The following TANC1 variants were observed in gnomAD, a reference collection of about 807,000 sequenced individuals.
The protein encoded by TANC1 is protein TANC1.
TANC1 carries 77 observed loss-of-function variants against 149.7 expected under a neutral mutation model. That is an observed-to-expected ratio of 0.51 (90% CI 0.43 to 0.62). TANC1 has a LOEUF of 0.62. Ranked by LOEUF, TANC1 falls within the 20% of genes least tolerant of loss-of-function variation. The probability of loss-of-function intolerance (pLI) is 0.00; values close to 1 mark genes in which losing one functional copy is unlikely to be tolerated. For missense variants in TANC1, 1,985 were observed against 2,321.8 expected, an observed-to-expected ratio of 0.85 and a Z score of 2.98; for synonymous variants, 854 against 925.0, an observed-to-expected ratio of 0.92 and a Z score of 1.39.
chr2:158,997,603 C>A (rs1369931448), intron 1 of TANC1, among the ~76,000 whole-genome samples: 1 of 152,114 alleles, frequency 6.6e-6, no homozygotes, highest in African/African-American at 2.4e-5. Flanking sequence ...TAAGGAAGTG[C>A]TCACGAAACA....
At chr2:159,075,536 A>G (rs1458677666) in intron 3 of TANC1, among the ~76,000 whole-genome samples, 1 of 152,156 alleles carries the variant, frequency 6.6e-6, no homozygotes, top group Non-Finnish European at 1.5e-5. Flanking sequence ...TGATCACACC[A>G]TCACACTCCA....
At chr2:159,062,973 C>CCAAAAAAAAAAAA (rs770866772) in intron 2 of TANC1, among the ~76,000 whole-genome samples, 41 of 41,206 alleles carry the variant, frequency 1.0e-3, no homozygotes, top group Non-Finnish European at 1.6e-3. Flanking sequence ...GACTCCGTCT[C>CCAAAAAAAAAAAA]AAAAAAAAAA....
intron 2 of TANC1, among the ~76,000 whole-genome samples, chr2:159,048,334 T>C (rs2041225618): frequency 1.3e-5 from 2 of 152,228 alleles, no homozygotes; most frequent in South Asian, 4.1e-4. Flanking sequence ...GACATGACTC[T>C]TGATGGTCCA....
intron 2 of TANC1, among the ~76,000 whole-genome samples, chr2:159,039,612 G>A (rs1009069620): frequency 2.1e-4 from 32 of 151,998 alleles, no homozygotes; most frequent in Non-Finnish European, 1.0e-4. Flanking sequence ...TTATTTACCC[G>A]GTACTCATTC....
chr2:159,135,538 C>A (rs907186605), intron 4 of TANC1, among the ~76,000 whole-genome samples: 1 of 152,342 alleles, frequency 6.6e-6, no homozygotes, highest in African/African-American at 2.4e-5. Flanking sequence ...ACGAAGAATT[C>A]CGGATTTTCT....
Position 159,228,853 on chromosome 2 carries a change from T to C in TANC1, c.4108T>C (p.Tyr1370His), listed in dbSNP as rs775511627. 1 of 1,614,162 alleles carries C rather than the reference T, an allele frequency of 6.2e-7. No individual in the cohort carries two copies. Among genetic ancestry groups the C allele is most frequent in the South Asian group, 1.1e-5 (1 of 91,088 alleles). ...SKALELKPKS[Y>H]EAFYARARAK... The stretch of plus-strand genomic sequence containing the variant: ...GGCTCTCGAATTGAAGCCCAAGTCC[T>C]ATGAAGCCTTTTATGCCAGAGCAAG... Residue 1370 changes from tyrosine (Y) to histidine (H), a missense_variant, in exon 26 of 27, where the codon TAT becomes CAT. By Grantham distance (83) the Tyr-to-His change is moderately conservative. Transcript: ENST00000263635.
chr2:159,163,764 C>T (rs755200345), intron 8 of TANC1, among the ~76,000 whole-genome samples: 5 of 152,000 alleles, frequency 3.3e-5, no homozygotes, highest in African/African-American at 9.7e-5. Flanking sequence ...TTCTTTAAAT[C>T]GATTATTTGG....
At chr2:158,984,814 G>C (rs1468124947) in intron 1 of TANC1, among the ~76,000 whole-genome samples, 1 of 152,110 alleles carries the variant, frequency 6.6e-6, no homozygotes, top group Non-Finnish European at 1.5e-5. Context: ...GCAGAGGCTG[G>C]GAGGCATGAA....
chr2:159,208,683 T>C (rs1048073188), intron 19 of TANC1, among the ~76,000 whole-genome samples: 6 of 152,260 alleles, frequency 3.9e-5, no homozygotes, highest in African/African-American at 1.4e-4. Context: ...AGGCTGCTTC[T>C]GCAGGCCCCA....
At chr2:159,223,634 CTT>C (rs1304115615) in intron 22 of TANC1, among the ~76,000 whole-genome samples, 2 of 152,222 alleles carry the variant, frequency 1.3e-5, no homozygotes, top group Non-Finnish European at 2.9e-5. Flanking sequence ...ATTTCTTCCT[CTT>C]GTTTCCAGTT....
intron 4 of TANC1, among the ~76,000 whole-genome samples, chr2:159,100,076 G>T (rs185091297): frequency 4.7e-4 from 72 of 152,272 alleles, no homozygotes; most frequent in Non-Finnish European, 5.9e-5. Context: ...AGATAATTCA[G>T]AAACTATCGA....
rs2060344487 is a variant in TANC1, at chr2:159,231,841, G to A, written c.*829G>A. On this transcript the variant is annotated 3_prime_UTR_variant, in exon 27 of 27. Transcript: ENST00000263635. ...GCTTTTAACAATGGTAGTGCTCCTGGAACAATCCTTCCAAGCTCCTCTAAG... is the reference window on the plus strand; with the variant it reads ...GCTTTTAACAATGGTAGTGCTCCTGAAACAATCCTTCCAAGCTCCTCTAAG... 1 of 152,092 alleles carries A rather than the reference G, an allele frequency of 6.6e-6. No individual in the cohort carries two copies. Among genetic ancestry groups the A allele is most frequent in the Non-Finnish European group, 1.5e-5 (1 of 68,000 alleles). The allele number at this position is 152,092 out of a possible 1,614,324, so 9.4% of individuals were successfully genotyped here.
At chr2:159,180,890 C>T (rs1292960573) in intron 14 of TANC1, among the ~76,000 whole-genome samples, 2 of 152,144 alleles carry the variant, frequency 1.3e-5, no homozygotes, top group Non-Finnish European at 2.9e-5. Context: ...GAGAGGGAGG[C>T]ACACTTCATG....
intron 4 of TANC1, among the ~76,000 whole-genome samples, chr2:159,106,835 G>A (rs1437352531): frequency 6.6e-6 from 1 of 152,048 alleles, no homozygotes. Context: ...TGCTTGTATT[G>A]TCTTTTTTAT....
chr2:159,117,277 C>T (rs991754323), intron 4 of TANC1, among the ~76,000 whole-genome samples: 2 of 152,146 alleles, frequency 1.3e-5, no homozygotes, highest in African/African-American at 4.8e-5. Context: ...AGAGAAGTTG[C>T]AAAGAATGCA....
chr2:159,050,117 A>C (rs978134351), intron 2 of TANC1, among the ~76,000 whole-genome samples: 2 of 151,876 alleles, frequency 1.3e-5, no homozygotes, highest in South Asian at 4.2e-4. Flanking sequence ...TAGTGACATA[A>C]TTTTTTTTGT....
intron 2 of TANC1, among the ~76,000 whole-genome samples, chr2:159,064,795 G>C (rs2042524138): frequency 6.6e-6 from 1 of 152,166 alleles, no homozygotes; most frequent in Non-Finnish European, 1.5e-5. Flanking sequence ...GCTGAGAGGT[G>C]GTGTGTGGTG....
chr2:159,113,591 C>T (rs796956121), intron 4 of TANC1, among the ~76,000 whole-genome samples: 54 of 152,312 alleles, frequency 3.5e-4, no homozygotes, highest in African/African-American at 1.2e-3. Flanking sequence ...TGGGGTAAAT[C>T]GCCCCTTCTG....
chr2:159,104,910 T>C, intron 4 of TANC1, among the ~76,000 whole-genome samples: 1 of 119,976 alleles, frequency 8.3e-6, no homozygotes, highest in Non-Finnish European at 1.9e-5. Context: ...CTTGAAGAGT[T>C]TGATATTTGT....
Sources: gnomAD v4.1 joint callset for allele counts (sites outside exome capture counted in the v4.1 genomes callset) on GRCh38, gnomAD v4.1.1 for gene constraint, MANE v1.5 for transcripts, NCBI Gene and HGNC (gene_info 2026-07-23, HGNC 2026-07-21) for gene names.